Variants in XKR5 observed in about 807,000 individuals in gnomAD.
XKR5 encodes the protein XK related 5.
A neutral mutation model predicts 40.8 loss-of-function variants in XKR5; 46 were observed. The ratio of observed to expected loss-of-function variants is 1.13; its 90% CI spans 0.89 to 1.44. The LOEUF is 1.44. Ranked by LOEUF, XKR5 falls within the 40% of genes most tolerant of loss-of-function variation. The pLI is 0.00. For missense variants in XKR5, 1,169 were observed against 844.7 expected, an observed-to-expected ratio of 1.38 and a Z score of -4.76; for synonymous variants, 466 against 356.1, an observed-to-expected ratio of 1.31 and a Z score of -3.48.
At chr8:6,831,491 G>A (rs1804760447) in intron 2 of XKR5, among the ~76,000 whole-genome samples, 1 of 152,132 alleles carries the variant, frequency 6.6e-6, no homozygotes, top group Non-Finnish European at 1.5e-5. Context: ...TCTACTCTGG[G>A]CGGGACGGCA....
chr8:6,815,176 C>T (rs1282798195), intron 6 of XKR5, among the ~76,000 whole-genome samples: 2 of 152,192 alleles, frequency 1.3e-5, no homozygotes, highest in Non-Finnish European at 2.9e-5. Context: ...GTGTTCGCAC[C>T]TTTCAAGTGG....
At position 6,811,926 on chromosome 8, in the gene XKR5, G is replaced by T; in HGVS notation, c.1333C>A (p.Gln445Lys). The change falls in exon 7 of 7, where the codon CAG becomes AAG. Residue 445 changes from glutamine to lysine, a missense_variant. Coordinates refer to ENST00000618742, the MANE Select transcript of XKR5 (RefSeq NM_207411.5). ...AWGLSQQDYLQRKALSAQQEL... is the reference protein window; with the variant it reads ...AWGLSQQDYLKRKALSAQQEL... ...TGCTGGGCAGACAAGGCCTTTCTCT[G>T]CAGGTAGTCCTGTTGACTCAACCCC... 1 of 1,537,394 alleles carries T rather than the reference G, an allele frequency of 6.5e-7. No homozygotes were observed. The highest frequency in any genetic ancestry group is 1.2e-5 in the South Asian group (1 of 84,068).
At chr8:6,825,992 G>C (rs1008019456) in intron 2 of XKR5, among the ~76,000 whole-genome samples, 3 of 152,156 alleles carry the variant, frequency 2.0e-5, no homozygotes, top group South Asian at 4.1e-4. Context: ...ATGGGGTTTG[G>C]ATTTTGCTCT....
Position 6,825,190 on chromosome 8 carries a change from G to C in XKR5, c.402C>G (p.Ala134=). The C allele has an allele frequency of 6.2e-7, 1 of 1,613,504 alleles. No homozygotes were observed. ...HLLLQTYVFL[A]SDFTDIVPGV... is the part of the protein sequence containing the mutation. ...CTGGCACAATATCTGTGAAGTCTGA[G>C]GCTAGAAAAACATATGTCTGAAGCA... Residue 134 remains alanine, a synonymous_variant, in exon 3 of 7, where the codon GCC becomes GCG. Transcript: ENST00000618742.
chr8:6,828,068 G>C (rs751928040), intron 2 of XKR5, among the ~76,000 whole-genome samples: 1 of 151,718 alleles, frequency 6.6e-6, no homozygotes, highest in East Asian at 1.9e-4. Flanking sequence ...GAAGACTCTC[G>C]TGAAAAAAAA....
At chr8:6,813,711 C>T (rs535387050) in intron 6 of XKR5, among the ~76,000 whole-genome samples, 93 of 152,112 alleles carry the variant, frequency 6.1e-4, no homozygotes, top group Non-Finnish European at 1.2e-3. Flanking sequence ...GAGTGCTGCC[C>T]GTGGCTATGG....
At chr8:6,826,679 C>G (rs1804499786) in intron 2 of XKR5, among the ~76,000 whole-genome samples, 1 of 152,138 alleles carries the variant, frequency 6.6e-6, no homozygotes, top group Non-Finnish European at 1.5e-5. Flanking sequence ...AAGGAGAGAT[C>G]TGGATGACCA....
Position 6,811,575 on chromosome 8 carries a change from T to C in XKR5, c.1684A>G (p.Thr562Ala), listed in dbSNP as rs1587148909. Reference protein sequence around the residue: ...TSSQQEGSPATLQTAHSGRRL... With the variant: ...TSSQQEGSPAALQTAHSGRRL... ...CTTCCAGAGTGGGCCGTTTGCAGAG[T>C]AGCTGGGCTGCCTTCTTGTTGTGAG... The change falls in exon 7 of 7, where the codon ACT (threonine) becomes GCT (alanine). Residue 562 changes from threonine (T) to alanine (A), a missense_variant. Thr to Ala is a moderately conservative substitution (Grantham distance 58, BLOSUM62 0). Transcript: ENST00000618742. 1 of 1,537,064 alleles carries C rather than the reference T, an allele frequency of 6.5e-7. No homozygotes were observed. The highest frequency in any genetic ancestry group is 8.7e-7 in the Non-Finnish European group (1 of 1,146,788).
Position 6,825,184 on chromosome 8 carries a change from G to T in XKR5, c.408C>A (p.Asp136Glu). Residue 136 changes from aspartate (D) to glutamate (E), a missense_variant, in exon 3 of 7, where the codon GAC (aspartate) becomes GAA (glutamate). By Grantham distance (45) the Asp-to-Glu change is conservative. Transcript: ENST00000618742. ...LLQTYVFLASDFTDIVPGVST... is the reference protein window; with the variant it reads ...LLQTYVFLASEFTDIVPGVST... ...ACTCACCTGGCACAATATCTGTGAA[G>T]TCTGAGGCTAGAAAAACATATGTCT... 6.2e-7 allele frequency: 1 copy of T among 1,613,564 alleles called. No homozygotes were observed. Among genetic ancestry groups the T allele is most frequent in the Non-Finnish European group, 8.5e-7 (1 of 1,179,706 alleles).
In XKR5 at chr8:6,815,865, C is replaced by A; in HGVS notation, c.861G>T (p.Gln287His). The change falls in exon 6 of 7, where the codon CAG (glutamine) becomes CAT (histidine). Residue 287 changes from glutamine to histidine, a missense_variant. Transcript: ENST00000618742. ...TCTGCAGGCTGGTCCACGATGCCCC[C>A]TGGAGAAAGTCGGTGGCCAACAGCA... The part of the protein sequence containing the change: ...ILLLLATDFL[Q>H]GASWTSLQTI... 1.2e-6 allele frequency: 2 copies of A among 1,605,980 alleles called. No individual in the cohort carries two copies. Among genetic ancestry groups the A allele is most frequent in the Non-Finnish European group, 1.7e-6 (2 of 1,176,362 alleles).
Position 6,823,618 on chromosome 8 carries a change from G to A in XKR5, c.540C>T (p.Phe180=). 6.3e-7 allele frequency: 1 copy of A among 1,594,480 alleles called. No homozygotes were observed. Among genetic ancestry groups the A allele is most frequent in the Non-Finnish European group, 8.5e-7 (1 of 1,170,646 alleles). ...GHLAMPWAAL[F]CQQLWRMGML... ...TGCCCATCCTCCAGAGCTGCTGGCA[G>A]AAGAGGGCGGCCCATGGCATGGCCA... Residue 180 remains phenylalanine, a synonymous_variant, in exon 4 of 7, where the codon TTC becomes TTT. Transcript: ENST00000618742.
chr8:6,831,417 A>C (rs951585715), intron 2 of XKR5, among the ~76,000 whole-genome samples: 2 of 152,212 alleles, frequency 1.3e-5, no homozygotes, highest in African/African-American at 4.8e-5. Context: ...CTGAGGGTCC[A>C]GTGAAACTGA....
chr8:6,825,206 G>A lies in XKR5; in HGVS notation c.386C>T (p.Thr129Ile). Reference sequence around the variant, plus strand: ...GAAGTCTGAGGCTAGAAAAACATATGTCTGAAGCAGCAGGTGGGGCCCAGT... The same window carrying A: ...GAAGTCTGAGGCTAGAAAAACATATATCTGAAGCAGCAGGTGGGGCCCAGT... ...LQTGPHLLLQTYVFLASDFTD... is the reference protein window; with the variant it reads ...LQTGPHLLLQIYVFLASDFTD... The change falls in exon 3 of 7, where the codon ACA becomes ATA. Residue 129 changes from threonine to isoleucine, a missense_variant. Physicochemically the swap from Thr to Ile is moderately conservative, Grantham distance 89 (BLOSUM62 -1). Transcript: ENST00000618742. 1.9e-6 allele frequency: 3 copies of A among 1,613,382 alleles called. No homozygotes were observed. The highest frequency in any genetic ancestry group is 2.2e-5 in the South Asian group (2 of 90,938).
At chr8:6,826,008 A>T (rs1804458954) in intron 2 of XKR5, among the ~76,000 whole-genome samples, 1 of 152,208 alleles carries the variant, frequency 6.6e-6, no homozygotes, top group Middle Eastern at 3.4e-3. Flanking sequence ...GCTCTGGAAA[A>T]ATGAATTTGG....
intron 4 of XKR5, 32 bp downstream of exon 4, chr8:6,823,489 C>T: frequency 6.4e-7 from 1 of 1,556,354 alleles, no homozygotes; most frequent in Non-Finnish European, 8.7e-7. Context: ...GGTTATGCAG[C>T]AACAGATGAC....
chr8:6,822,681 G>A (rs564173312), intron 4 of XKR5, among the ~76,000 whole-genome samples: 99 of 152,332 alleles, frequency 6.5e-4, no homozygotes, highest in African/African-American at 2.3e-3. Context: ...TTCTTGCAGA[G>A]TATATTCACT....
intron 5 of XKR5, among the ~76,000 whole-genome samples, chr8:6,821,617 T>A (rs1295087415): frequency 6.6e-6 from 1 of 152,180 alleles, no homozygotes; most frequent in Non-Finnish European, 1.5e-5. Context: ...AGAGAAGACA[T>A]CACCAAATAT....
intron 5 of XKR5, among the ~76,000 whole-genome samples, chr8:6,818,370 A>G (rs1804063500): frequency 6.6e-6 from 1 of 152,142 alleles, no homozygotes; most frequent in Admixed American, 6.5e-5. Flanking sequence ...TAGGGTTTTG[A>G]TAGCGTCACT....
At chr8:6,830,080 G>C (rs1331352784) in intron 2 of XKR5, among the ~76,000 whole-genome samples, 2 of 152,066 alleles carry the variant, frequency 1.3e-5, no homozygotes, top group South Asian at 2.1e-4. Flanking sequence ...CTCGTGATCC[G>C]CCTGCCTCGG....
Sources: allele counts gnomAD v4.1 joint callset (sites outside exome capture counted in the v4.1 genomes callset), GRCh38; gene constraint gnomAD v4.1.1; transcripts MANE v1.5; gene names NCBI Gene and HGNC (gene_info 2026-07-23, HGNC 2026-07-21).